The following AFAP1 variants were observed in gnomAD, a reference collection of about 807,000 sequenced individuals.
AFAP1 encodes the protein actin filament associated protein 1.
Under a neutral mutation model 93.9 loss-of-function variants are expected in AFAP1, and 75 were observed. The observed-to-expected ratio is 0.80, with a 90% CI of 0.66 to 0.97. The LOEUF (loss-of-function observed/expected upper bound fraction) is 0.97. Among genes scored for constraint, AFAP1 ranks in the 50% least tolerant of loss-of-function variants. The probability of loss-of-function intolerance (pLI) is 0.00; values close to 1 mark genes in which losing one functional copy is unlikely to be tolerated. For missense variants in AFAP1, 1,201 were observed against 1,050.8 expected (o/e 1.14, Z -1.98); for synonymous variants, 517 against 430.7 (o/e 1.20, Z -2.48).
chr4:7,816,843 G>T (rs1000882154), intron 7 of AFAP1, among the ~76,000 whole-genome samples: 1 of 152,192 alleles, frequency 6.6e-6, no homozygotes, highest in Non-Finnish European at 1.5e-5. Flanking sequence ...AGGCACAAAG[G>T]AACATGTGTG....
intron 1 of AFAP1, among the ~76,000 whole-genome samples, chr4:7,883,103 T>G (rs1717943042): frequency 1.4e-5 from 2 of 146,552 alleles, no homozygotes; most frequent in Admixed American, 1.4e-4. Context: ...GAGGATCACC[T>G]GAGCCCAGGG....
chr4:7,880,179 T>G (rs2149195432), intron 1 of AFAP1, among the ~76,000 whole-genome samples: 1 of 152,242 alleles, frequency 6.6e-6, no homozygotes, highest in South Asian at 2.1e-4. Flanking sequence ...TGACTTATGG[T>G]TTGTGGGAAC....
At chr4:7,884,857 G>C (rs1314284789) in intron 1 of AFAP1, among the ~76,000 whole-genome samples, 1 of 152,190 alleles carries the variant, frequency 6.6e-6, no homozygotes, top group Non-Finnish European at 1.5e-5. Context: ...AGCTCCTGGA[G>C]AATGACAAAC....
rs939062223 is a variant in AFAP1, at chr4:7,761,662, C to G, written c.*2103G>C. On this transcript the variant is annotated 3_prime_UTR_variant, in exon 18 of 18. Coordinates refer to ENST00000420658, the MANE Select transcript of AFAP1 (RefSeq NM_001134647.2). ...CTCTTTGGCAAAGCAGGCTGCCAATCAGAGTGGCCCAAGAGTGTCAACCAG... is the reference window on the plus strand; with the variant it reads ...CTCTTTGGCAAAGCAGGCTGCCAATGAGAGTGGCCCAAGAGTGTCAACCAG... The G allele has an allele frequency of 2.0e-5, 3 of 152,302 alleles. No homozygotes were observed. Among genetic ancestry groups the G allele is most frequent in the African/African-American group, 7.2e-5 (3 of 41,480 alleles). The allele number at this position is 152,302 out of a possible 1,614,324, so 9.4% of individuals were successfully genotyped here.
intron 13 of AFAP1, 115 bp from the exon 14 acceptor site, chr4:7,778,991 T>C (rs911276329): frequency 9.0e-6 from 7 of 775,620 alleles, no homozygotes; most frequent in African/African-American, 7.0e-5. Flanking sequence ...GAAACTGGCA[T>C]AGATGGAGGA....
chr4:7,842,284 G>T (rs1387177343), intron 5 of AFAP1, among the ~76,000 whole-genome samples: 3 of 53,860 alleles, frequency 5.6e-5, no homozygotes, highest in East Asian at 5.1e-4. Context: ...ACAATTCAAA[G>T]ATGAAACCTG....
At chr4:7,829,943 T>C (rs1577263145) in intron 6 of AFAP1, among the ~76,000 whole-genome samples, 2 of 152,210 alleles carry the variant, frequency 1.3e-5, no homozygotes, top group Non-Finnish European at 2.9e-5. Flanking sequence ...TTGTCTGTAA[T>C]ATCAAAAGAC....
intron 3 of AFAP1, among the ~76,000 whole-genome samples, chr4:7,861,785 G>A (rs1715734103): frequency 6.6e-6 from 1 of 152,260 alleles, no homozygotes; most frequent in Non-Finnish European, 1.5e-5. Flanking sequence ...CAAAGATGAT[G>A]AAAAAGGCAA....
At chr4:7,894,850 A>C (rs1577341304) in intron 1 of AFAP1, among the ~76,000 whole-genome samples, 1 of 152,192 alleles carries the variant, frequency 6.6e-6, no homozygotes, top group East Asian at 1.9e-4. Flanking sequence ...CTAGGATTGA[A>C]GCTCCAACCA....
At chr4:7,768,723 A>G (rs915052328) in intron 17 of AFAP1, 121 bp downstream of exon 17, 19 of 1,249,926 alleles carry the variant, frequency 1.5e-5, no homozygotes, top group Non-Finnish European at 1.4e-5. Context: ...TGTCTACTGA[A>G]GGCTGAGTGC....
Position 7,800,632 on chromosome 4 carries a change from T to C in AFAP1, c.1076A>G (p.Asn359Ser). ...GCACCAGCGCTCTCGCCAGCGGCTG[T>C]TGGAGAGCACGTTCAGATAGCCTGC... Reference protein sequence around the residue: ...PTCGYLNVLSNSRWRERWCRV... With the variant: ...PTCGYLNVLSSSRWRERWCRV... Residue 359 changes from asparagine to serine, a missense_variant, in exon 10 of 18, where the codon AAC becomes AGC. Transcript: ENST00000420658. The C allele has an allele frequency of 3.7e-6, 6 of 1,613,710 alleles. No individual in the cohort carries two copies. The highest frequency in any genetic ancestry group is 1.1e-5 in the South Asian group (1 of 91,076).
rs1337122685 is a variant in AFAP1 at position 7,758,820 on chromosome 4, A to C, written c.*4945T>G. 6.6e-6 allele frequency: 1 copy of C among 152,276 alleles called. No homozygotes were observed. The highest frequency in any genetic ancestry group is 1.5e-5 in the Non-Finnish European group (1 of 68,050). 9.4% of individuals were successfully genotyped at this position (152,276 alleles called of 1,614,324 possible). A position where few individuals can be genotyped will look rare whatever the true frequency, so the allele number is the denominator to read the frequency against. Reference sequence around the variant, plus strand: ...ATTCAACCAGGAAAGCAGGAAATTCAGTGAAGCTACTACAAAGTGGGGCGA... The same window carrying C: ...ATTCAACCAGGAAAGCAGGAAATTCCGTGAAGCTACTACAAAGTGGGGCGA... On this transcript the variant is annotated 3_prime_UTR_variant, in exon 18 of 18. Transcript: ENST00000420658.
In AFAP1 at chr4:7,855,487, C is replaced by A. The variant is rs1446439009; in HGVS notation, c.313G>T (p.Ala105Ser). ...TCACTTGATGTGATGTATTCCGGAG[C>A]TTTTCCGGGGCTCAGCGGCACAGCT... Reference protein sequence around the residue: ...EEAVPLSPGKAPEYITSNYDS... With the variant: ...EEAVPLSPGKSPEYITSNYDS... Residue 105 changes from alanine to serine, a missense_variant, in exon 4 of 18, where the codon GCT becomes TCT. Transcript: ENST00000420658. 6.2e-7 allele frequency: 1 copy of A among 1,611,936 alleles called. No individual in the cohort carries two copies. The highest frequency in any genetic ancestry group is 8.5e-7 in the Non-Finnish European group (1 of 1,178,772).
intron 1 of AFAP1, among the ~76,000 whole-genome samples, chr4:7,909,772 T>C (rs1406951657): frequency 6.6e-6 from 1 of 152,200 alleles, no homozygotes; most frequent in African/African-American, 2.4e-5. Context: ...AACAGAACTA[T>C]AGCTGCCCAG....
chr4:7,770,596 G>A (rs888591736), intron 16 of AFAP1, among the ~76,000 whole-genome samples: 6 of 152,242 alleles, frequency 3.9e-5, no homozygotes, highest in Admixed American at 3.9e-4. Flanking sequence ...TTTTTTTTAA[G>A]GATGGATTCA....
chr4:7,760,102 T>C lies in AFAP1; in HGVS notation c.*3663A>G, dbSNP rs1463451764. 2.0e-5 allele frequency: 3 copies of C among 152,206 alleles called. No individual in the cohort carries two copies. The highest frequency in any genetic ancestry group is 7.2e-5 in the African/African-American group (3 of 41,456). 9.4% of individuals were successfully genotyped at this position (152,206 alleles called of 1,614,324 possible). A position where few individuals can be genotyped will look rare whatever the true frequency, so the allele number is the denominator to read the frequency against. ...CTAACCCCAGCTTCGACGCTGCCCT[T>C]TGAGTCCCGTGCACAAGCACCAAAC... On this transcript the variant is annotated 3_prime_UTR_variant, in exon 18 of 18. Coordinates refer to ENST00000420658, the MANE Select transcript of AFAP1 (RefSeq NM_001134647.2).
intron 3 of AFAP1, among the ~76,000 whole-genome samples, chr4:7,866,166 G>A (rs1716375406): frequency 6.6e-6 from 1 of 151,920 alleles, no homozygotes; most frequent in Admixed American, 6.6e-5. Context: ...CAAAGTGCTG[G>A]GATTACAAGT....
chr4:7,840,779 A>G (rs1197552295), intron 5 of AFAP1, among the ~76,000 whole-genome samples: 2 of 152,236 alleles, frequency 1.3e-5, no homozygotes, highest in East Asian at 1.9e-4. Flanking sequence ...GAGTATGTAT[A>G]AAAAGAAAGG....
chr4:7,889,002 G>C (rs1485821976), intron 1 of AFAP1, among the ~76,000 whole-genome samples: 2 of 152,076 alleles, frequency 1.3e-5, no homozygotes, highest in East Asian at 3.9e-4. Context: ...ATGTTGGCCA[G>C]ACTGGTCTCG....
Sources: gnomAD v4.1 joint callset for allele counts (sites outside exome capture counted in the v4.1 genomes callset) on GRCh38, gnomAD v4.1.1 for gene constraint, MANE v1.5 for transcripts, NCBI Gene and HGNC (gene_info 2026-07-23, HGNC 2026-07-21) for gene names.